The following KCNN2 variants were observed in gnomAD, a reference collection of about 807,000 sequenced individuals.
KCNN2 encodes the protein small conductance calcium-activated potassium channel protein 2.
Under a neutral mutation model 55.5 loss-of-function variants are expected in KCNN2, and 24 were observed. The ratio of observed to expected loss-of-function variants is 0.43; its 90% CI spans 0.31 to 0.61. The LOEUF (loss-of-function observed/expected upper bound fraction) is 0.61, where lower values mean the gene tolerates loss of function less well. Among genes scored for constraint, KCNN2 ranks in the 20% least tolerant of loss-of-function variants. The pLI, the probability that KCNN2 is intolerant of heterozygous loss-of-function variation, is 0.08. For synonymous variants in KCNN2, 431 were observed against 336.1 expected (o/e 1.28, Z -3.09); for missense variants, 754 against 853.6 (o/e 0.88, Z 1.45).
chr5:114,214,626 G>A (rs1250565642), intron 1 of KCNN2, among the ~76,000 whole-genome samples: 4 of 152,046 alleles, frequency 2.6e-5, no homozygotes, highest in Admixed American at 6.6e-5. Context: ...CAATTCCTGA[G>A]GTTTTTTCCT....
chr5:114,081,892 A>G (rs28812607), intron 1 of KCNN2, among the ~76,000 whole-genome samples: 77,149 of 152,060 alleles, frequency 0.51, 20,885 homozygotes, highest in East Asian at 0.68. Flanking sequence ...TATCTAGACT[A>G]TGTAGGGAAC....
intron 2 of KCNN2, among the ~76,000 whole-genome samples, chr5:114,369,915 A>G (rs1213483420): frequency 6.6e-6 from 1 of 152,136 alleles, no homozygotes; most frequent in African/African-American, 2.4e-5. Flanking sequence ...GTGGGCTGTC[A>G]TCCCAAACCA....
intron 2 of KCNN2, among the ~76,000 whole-genome samples, chr5:114,247,229 G>GAAAAGAA (rs1754766317): frequency 9.3e-6 from 1 of 107,974 alleles, no homozygotes; most frequent in African/African-American, 3.5e-5. Context: ...AAAAAGAAAA[G>GAAAAGAA]AAAAGAAAGA....
chr5:114,460,463 C>T (rs762348216), intron 3 of KCNN2, among the ~76,000 whole-genome samples: 1 of 152,038 alleles, frequency 6.6e-6, no homozygotes, highest in African/African-American at 2.4e-5. Context: ...AAGCTGGTCC[C>T]GAACTCCTGA....
At chr5:114,386,173 ACT>A (rs1481260760) in intron 2 of KCNN2, among the ~76,000 whole-genome samples, 2 of 139,672 alleles carry the variant, frequency 1.4e-5, no homozygotes, top group Admixed American at 7.4e-5. Flanking sequence ...ACAGAGCGAG[ACT>A]CTGTCTAAAA....
At chr5:114,364,278 A>G (rs1477682776) in intron 2 of KCNN2, among the ~76,000 whole-genome samples, 1 of 152,156 alleles carries the variant, frequency 6.6e-6, no homozygotes, top group Non-Finnish European at 1.5e-5. Flanking sequence ...TTTTCTCCAG[A>G]TCAGTCACAT....
chr5:114,302,799 A>C (rs1242013461), intron 2 of KCNN2, among the ~76,000 whole-genome samples: 1 of 152,182 alleles, frequency 6.6e-6, no homozygotes, highest in East Asian at 1.9e-4. Context: ...AAGTGCCTCA[A>C]TCATATAGCT....
chr5:114,228,552 G>A (rs1754288401), intron 2 of KCNN2, among the ~76,000 whole-genome samples: 1 of 151,990 alleles, frequency 6.6e-6, no homozygotes, highest in Admixed American at 6.6e-5. Context: ...ATCAGTAACT[G>A]GGAAAAGTTG....
chr5:114,492,070 G>A (rs1360342150), intron 6 of KCNN2, among the ~76,000 whole-genome samples: 2 of 152,092 alleles, frequency 1.3e-5, no homozygotes, highest in East Asian at 1.9e-4. Flanking sequence ...TAGTCACAAT[G>A]AGAAGTTATA....
At chr5:114,110,775 A>C (rs1393193611) in intron 1 of KCNN2, among the ~76,000 whole-genome samples, 3 of 152,048 alleles carry the variant, frequency 2.0e-5, no homozygotes, top group Admixed American at 1.3e-4. Context: ...TGCTATGTCT[A>C]TGTCTTTCTG....
At chr5:114,403,650 G>A (rs1481670228) in intron 2 of KCNN2, among the ~76,000 whole-genome samples, 1 of 152,112 alleles carries the variant, frequency 6.6e-6, no homozygotes, top group African/African-American at 2.4e-5. Flanking sequence ...AGGGAAGAGA[G>A]GAAGATACTC....
chr5:114,169,384 T>A (rs536596062), intron 1 of KCNN2, among the ~76,000 whole-genome samples: 1 of 151,928 alleles, frequency 6.6e-6, no homozygotes, highest in African/African-American at 2.4e-5. Context: ...TAAGACAACA[T>A]GGAAGAGTAA....
intron 2 of KCNN2, among the ~76,000 whole-genome samples, chr5:114,286,395 A>G (rs1044392783): frequency 9.8e-5 from 15 of 152,314 alleles, no homozygotes; most frequent in African/African-American, 3.4e-4. Flanking sequence ...TTCAAGAATA[A>G]ATATGTTCAT....
chr5:114,159,026 A>G (rs1055331512), intron 1 of KCNN2, among the ~76,000 whole-genome samples: 2 of 152,026 alleles, frequency 1.3e-5, no homozygotes, highest in Non-Finnish European at 2.9e-5. Flanking sequence ...CCTGGCCAGA[A>G]CCTCCAACAC....
chr5:114,115,500 CT>C (rs2112589038), intron 1 of KCNN2, among the ~76,000 whole-genome samples: 1 of 152,176 alleles, frequency 6.6e-6, no homozygotes, highest in South Asian at 2.1e-4. Flanking sequence ...GCTTGGGTAA[CT>C]TTCATCATCT....
intron 2 of KCNN2, among the ~76,000 whole-genome samples, chr5:114,235,502 G>A (rs1021901035): frequency 6.6e-6 from 1 of 152,110 alleles, no homozygotes; most frequent in African/African-American, 2.4e-5. Flanking sequence ...TAAATGGAAA[G>A]CCTACTGTAT....
intron 2 of KCNN2, among the ~76,000 whole-genome samples, chr5:114,399,930 G>GTTTT (rs35266559): frequency 7.7e-6 from 1 of 129,864 alleles, no homozygotes; most frequent in African/African-American, 2.8e-5. Flanking sequence ...TTTTTTTTTT[G>GTTTT]TTTTTTTTTT....
chr5:114,133,049 T>TAA, intron 1 of KCNN2, among the ~76,000 whole-genome samples: 1 of 152,284 alleles, frequency 6.6e-6, no homozygotes, highest in East Asian at 1.9e-4. Flanking sequence ...TGATTAGAAT[T>TAA]ATTTTAAAAC....
intron 1 of KCNN2, among the ~76,000 whole-genome samples, chr5:114,184,749 A>G (rs551238040): frequency 1.3e-5 from 2 of 152,316 alleles, no homozygotes; most frequent in South Asian, 2.1e-4. Flanking sequence ...CAATGTAGGC[A>G]CTCAAGGAAT....
Sources: allele counts gnomAD v4.1 joint callset (sites outside exome capture counted in the v4.1 genomes callset), GRCh38; gene constraint gnomAD v4.1.1; transcripts MANE v1.5; gene names NCBI Gene and HGNC (gene_info 2026-07-23, HGNC 2026-07-21).